The following HERC5 variants were observed in gnomAD, a reference collection of about 807,000 sequenced individuals.
HERC5 encodes E3 ISG15--protein ligase HERC5.
In HERC5, 99 loss-of-function variants were observed where a neutral mutation model predicts 119.6. The observed-to-expected ratio is 0.83, with a 90% CI of 0.70 to 0.98. The LOEUF (loss-of-function observed/expected upper bound fraction) is 0.98, where lower values mean the gene tolerates loss of function less well. Among genes scored for constraint, HERC5 ranks in the 50% least tolerant of loss-of-function variants. HERC5 has a pLI of 0.00. For missense variants in HERC5, 1,267 were observed against 1,241.3 expected (o/e 1.02, Z -0.31); for synonymous variants, 478 against 445.9 (o/e 1.07, Z -0.91).
chr4:88,472,383 ATACTT>A (rs746141117), intron 10 of HERC5, 21 bp from the exon 11 acceptor site: 1 of 1,345,060 alleles, frequency 7.4e-7, no homozygotes, highest in South Asian at 1.2e-5. Context: ...ATCTAACAAA[ATACTT>A]AATTTATCTT....
At chr4:88,487,623 C>G in intron 15 of HERC5, among the ~76,000 whole-genome samples, 1 of 152,154 alleles carries the variant, frequency 6.6e-6, no homozygotes, top group South Asian at 2.1e-4. Context: ...CAATAAATGG[C>G]TACTACTCTG....
intron 12 of HERC5, among the ~76,000 whole-genome samples, chr4:88,477,531 GAGGGGAAGGGGAAGTGGGGGAGGGGA>G (rs1263085552): frequency 2.0e-5 from 2 of 97,970 alleles, no homozygotes; most frequent in Admixed American, 1.0e-4. Context: ...GGGGGAGGGG[GAGGGGAAGGGGAAGTGGGGGAGGGGA>G]AGGGGAAGGG....
At chr4:88,486,420 A>G (rs1436852148) in intron 14 of HERC5, among the ~76,000 whole-genome samples, 192 bp downstream of exon 14, 1 of 152,170 alleles carries the variant, frequency 6.6e-6, no homozygotes, top group East Asian at 1.9e-4. Flanking sequence ...TGACTATGGG[A>G]GTATGAAAAA....
At chr4:88,463,766 G>A in intron 5 of HERC5, 89 bp from the exon 6 acceptor site, 1 of 1,466,994 alleles carries the variant, frequency 6.8e-7, no homozygotes, top group South Asian at 1.2e-5. Context: ...CTTTGACAGT[G>A]CTATTTATTA....
At chr4:88,476,113 CT>C in intron 12 of HERC5, 83 bp downstream of exon 12, 2 of 1,075,348 alleles carry the variant, frequency 1.9e-6, no homozygotes, top group Non-Finnish European at 2.7e-6. Flanking sequence ...AACTAAGATA[CT>C]TAGAAATGTA....
In HERC5 at chr4:88,475,976, G is replaced by C; in HGVS notation, c.1528G>C (p.Val510Leu). 13 of 1,613,934 alleles carry C rather than the reference G, an allele frequency of 8.1e-6. No homozygotes were observed. Among genetic ancestry groups the C allele is most frequent in the Non-Finnish European group, 1.0e-5 (12 of 1,179,982 alleles). ...TTCCAACAACTGGGAGAGCCTTGTG[G>C]TTCCATTTGCAAAGGTTGTTTGTAA... The part of the protein sequence containing the change: ...HISNNWESLV[V>L]PFAKVVCKMS... Residue 510 changes from valine to leucine, a missense_variant, in exon 12 of 23, where the codon GTT becomes CTT. Val to Leu is a conservative substitution (Grantham distance 32). This residue lies in a region of HERC5 where 777 missense variants were observed against 758.0 expected (regional missense o/e 1.03). Coordinates refer to ENST00000264350, the MANE Select transcript of HERC5 (RefSeq NM_016323.4).
chr4:88,494,268 A>G lies in HERC5; in HGVS notation c.2381A>G (p.Lys794Arg). The change falls in exon 18 of 23, where the codon AAG (lysine) becomes AGG (arginine). Residue 794 changes from lysine to arginine, a missense_variant. Physicochemically the swap from Lys to Arg is conservative, Grantham distance 26. Around this residue, in one of 3 missense-constraint regions of HERC5, gnomAD observed 473 missense variants for 445.7 expected, o/e 1.06. Coordinates refer to ENST00000264350, the MANE Select transcript of HERC5 (RefSeq NM_016323.4). ...CTTCCTTTCCCACTGGCACTGTTTAAGAAACTTTTGGACCAAATGCCATCA... is the reference window on the plus strand; with the variant it reads ...CTTCCTTTCCCACTGGCACTGTTTAGGAAACTTTTGGACCAAATGCCATCA... ...ANLPFPLALF[K>R]KLLDQMPSLE... The G allele has an allele frequency of 6.2e-7, 1 of 1,613,768 alleles. No homozygotes were observed.
At chr4:88,482,139 G>A (rs532251580) in intron 13 of HERC5, among the ~76,000 whole-genome samples, 6 of 151,734 alleles carry the variant, frequency 4.0e-5, no homozygotes, top group South Asian at 2.1e-4. Context: ...GTGAAACCTC[G>A]TCTCTACTAA....
At chr4:88,495,257 GT>G in intron 18 of HERC5, among the ~76,000 whole-genome samples, 1 of 152,154 alleles carries the variant, frequency 6.6e-6, no homozygotes, top group Non-Finnish European at 1.5e-5. Context: ...TTTTTAAAGA[GT>G]AAGAACAGGC....
In HERC5 at chr4:88,487,184, GTATGCC is replaced by G; in HGVS notation, c.1962+9_1962+14del. 1 of 1,432,934 alleles carries G rather than the reference GTATGCC, an allele frequency of 7.0e-7. No homozygotes were observed. The highest frequency in any genetic ancestry group is 9.8e-7 in the Non-Finnish European group (1 of 1,017,174). 88.8% of individuals were successfully genotyped at this position (1,432,934 alleles called of 1,614,324 possible). A position where few individuals can be genotyped will look rare whatever the true frequency, so the allele number is the denominator to read the frequency against. ...GACACACTTTTAAAAATAGAGGTATGTATGCCTATTTGTCTTCATTAGCATAAATCA... is the reference window on the plus strand; with the variant it reads ...GACACACTTTTAAAAATAGAGGTATGTATTTGTCTTCATTAGCATAAATCA... On this transcript the variant is annotated splice_donor_region_variant and intron_variant, in intron 15 of 22. Transcript: ENST00000264350.
At chr4:88,499,523 C>T (rs1331486314) in intron 18 of HERC5, among the ~76,000 whole-genome samples, 1 of 152,190 alleles carries the variant, frequency 6.6e-6, no homozygotes, top group Non-Finnish European at 1.5e-5. Flanking sequence ...TGACCCACCT[C>T]AGAGTTACTG....
intron 14 of HERC5, among the ~76,000 whole-genome samples, chr4:88,486,568 T>A (rs112390542): frequency 1.3e-5 from 2 of 151,864 alleles, no homozygotes; most frequent in African/African-American, 4.8e-5. Context: ...GTGGGTAGAG[T>A]GTCTTGGGTG....
chr4:88,479,466 A>G lies in HERC5; in HGVS notation c.1696A>G (p.Asn566Asp). 6.2e-7 allele frequency: 1 copy of G among 1,611,776 alleles called. No individual in the cohort carries two copies. Among genetic ancestry groups the G allele is most frequent in the Non-Finnish European group, 8.5e-7 (1 of 1,179,300 alleles). The change falls in exon 13 of 23, where the codon AAT becomes GAT. Residue 566 changes from asparagine (N) to aspartate (D), a missense_variant. This residue lies in a region of HERC5 where 777 missense variants were observed against 758.0 expected (regional missense o/e 1.03). Coordinates refer to ENST00000264350, the MANE Select transcript of HERC5 (RefSeq NM_016323.4). ...YWDESAEENG[N>D]VQALLEMLKK... is the part of the protein sequence containing the mutation. ...GGATGAAAGTGCTGAGGAGAATGGT[A>G]ATGTTCAAGCTCTCCTAGAAATGTT...
intron 7 of HERC5, 55 bp downstream of exon 7, chr4:88,467,259 T>C: frequency 6.4e-7 from 1 of 1,555,726 alleles, no homozygotes; most frequent in South Asian, 1.2e-5. Context: ...AGAAAATGAT[T>C]TTTCTAACTA....
intron 20 of HERC5, among the ~76,000 whole-genome samples, chr4:88,503,117 T>C (rs1043773578): frequency 1.3e-5 from 2 of 152,186 alleles, no homozygotes; most frequent in African/African-American, 4.8e-5. Flanking sequence ...TGTATTTTCT[T>C]CTAGAAGCTT....
At chr4:88,462,029 G>A (rs1740460188) in intron 3 of HERC5, 106 bp from the exon 4 acceptor site, 1 of 934,582 alleles carries the variant, frequency 1.1e-6, no homozygotes. Context: ...CAGTGCAAAG[G>A]TACAATATTG....
At chr4:88,503,009 TGTA>T (rs1390593541) in intron 20 of HERC5, among the ~76,000 whole-genome samples, 5 of 152,184 alleles carry the variant, frequency 3.3e-5, no homozygotes, top group African/African-American at 1.2e-4. Context: ...GTAATTGTAA[TGTA>T]GTCTACTTTA....
rs1741491380 is a variant in HERC5, at chr4:88,487,144, A to C, written c.1927A>C (p.Lys643Gln). ...TATCTTTAATAATCTGTCGAAAATT[A>C]AACTACTACATACAGACACACTTTT... ...PFIFNNLSKI[K>Q]LLHTDTLLKI... Residue 643 changes from lysine to glutamine, a missense_variant, in exon 15 of 23, where the codon AAA becomes CAA. By Grantham distance (53) the Lys-to-Gln change is moderately conservative. Around this residue, in one of 3 missense-constraint regions of HERC5, gnomAD observed 17 missense variants for 37.7 expected, o/e 0.45. Coordinates refer to ENST00000264350, the MANE Select transcript of HERC5 (RefSeq NM_016323.4). The C allele has an allele frequency of 6.3e-7, 1 of 1,596,968 alleles. No individual in the cohort carries two copies. Among genetic ancestry groups the C allele is most frequent in the Non-Finnish European group, 8.6e-7 (1 of 1,165,184 alleles).
At chr4:88,477,128 G>A (rs1441950927) in intron 12 of HERC5, among the ~76,000 whole-genome samples, 1 of 140,058 alleles carries the variant, frequency 7.1e-6, no homozygotes, top group East Asian at 2.1e-4. Context: ...TGGCCAACAT[G>A]GTGAAACTTC....
Sources: allele counts gnomAD v4.1 joint callset (sites outside exome capture counted in the v4.1 genomes callset), GRCh38; gene constraint gnomAD v4.1.1; regional missense constraint gnomAD v4.1.1; transcripts MANE v1.5; gene names NCBI Gene and HGNC (gene_info 2026-07-23, HGNC 2026-07-21).